PRPF18: variants seen among roughly 807,000 people sequenced by gnomAD.
PRPF18 encodes pre-mRNA processing factor 18.
PRPF18 carries 38 observed loss-of-function variants against 46.5 expected under a neutral mutation model. The ratio of observed to expected loss-of-function variants is 0.82; its 90% CI spans 0.63 to 1.07. The LOEUF (loss-of-function observed/expected upper bound fraction) is 1.07, where lower values mean the gene tolerates loss of function less well. PRPF18 is among the 50% of genes least tolerant of loss of function. The pLI is 0.00. For synonymous variants in PRPF18, 152 were observed against 146.7 expected (o/e 1.04, Z -0.26); for missense variants, 263 against 410.0 (o/e 0.64, Z 3.10).
At chr10:13,628,814 G>C (rs2080548883) in intron 9 of PRPF18, among the ~76,000 whole-genome samples, 1 of 152,186 alleles carries the variant, frequency 6.6e-6, no homozygotes, top group Non-Finnish European at 1.5e-5. Context: ...GTGTGTTAAT[G>C]AATTGCACAG....
downstream of PRPF18, among the ~76,000 whole-genome samples, chr10:13,634,400 TG>T: frequency 6.6e-6 from 1 of 152,356 alleles, no homozygotes; most frequent in East Asian, 1.9e-4. Context: ...AGCTGCCTTT[TG>T]GTGATCTCAG....
At chr10:13,635,971 G>A in the PRPF18 span, among the ~76,000 whole-genome samples, 13 of 152,254 alleles carry the variant, frequency 8.5e-5, no homozygotes, top group East Asian at 7.7e-4. Flanking sequence ...TTTAAAATGA[G>A]GAGACGTCCA....
At chr10:13,622,156 G>A (rs1033595117) in intron 9 of PRPF18, among the ~76,000 whole-genome samples, 4 of 152,210 alleles carry the variant, frequency 2.6e-5, no homozygotes, top group African/African-American at 9.7e-5. Flanking sequence ...CTGGGCTATG[G>A]TAAGCTGTTT....
chr10:13,593,624 C>T (rs1045813897), intron 1 of PRPF18, among the ~76,000 whole-genome samples: 32 of 152,206 alleles, frequency 2.1e-4, no homozygotes, highest in East Asian at 7.7e-4. Context: ...GATGAATATG[C>T]GAAGGAGAAA....
intron 6 of PRPF18, among the ~76,000 whole-genome samples, chr10:13,613,046 G>T (rs935056379): frequency 6.6e-6 from 1 of 152,192 alleles, no homozygotes; most frequent in Non-Finnish European, 1.5e-5. Context: ...ATATATTGAG[G>T]ATACAGCATG....
At chr10:13,616,344 T>C in intron 8 of PRPF18, 54 bp from the exon 9 acceptor site, 1 of 1,509,714 alleles carries the variant, frequency 6.6e-7, no homozygotes, top group Non-Finnish European at 9.0e-7. Context: ...AGTAAGAATT[T>C]GAGCCAGTAC....
the PRPF18 span, chr10:13,637,203 G>A: frequency 6.6e-6 from 1 of 152,228 alleles, no homozygotes; most frequent in East Asian, 1.9e-4. Flanking sequence ...AAATTTCTGG[G>A]ACATAGGGTA....
chr10:13,606,397 G>A (rs936567180), intron 4 of PRPF18, among the ~76,000 whole-genome samples: 1 of 152,188 alleles, frequency 6.6e-6, no homozygotes, highest in Admixed American at 6.5e-5. Flanking sequence ...GTGATACTCA[G>A]TTGTATGAAT....
At position 13,630,629 on chromosome 10, in the gene PRPF18, CT is replaced by C. The variant is rs1293804098; in HGVS notation, c.*296del. On this transcript the variant is annotated 3_prime_UTR_variant, in exon 10 of 10. Coordinates refer to ENST00000378572, the MANE Select transcript of PRPF18 (RefSeq NM_003675.4). ...ACAACAGAAGGGGGTTTAAAATGAC[CT>C]TTTTTTCAGTTGACCCGAAAGTTGT... 1.6e-5 allele frequency: 3 copies of C among 189,766 alleles called. No individual in the cohort carries two copies. Among genetic ancestry groups the C allele is most frequent in the Admixed American group, 6.1e-5 (1 of 16,512 alleles). The allele number at this position is 189,766 out of a possible 1,614,324, so 11.8% of individuals were successfully genotyped here.
chr10:13,648,262 C>T, the PRPF18 span: 3 of 152,188 alleles, frequency 2.0e-5, no homozygotes, highest in African/African-American at 4.8e-5. Context: ...TGACACTGGC[C>T]ATGGGTATTA....
Position 13,605,658 on chromosome 10 carries a change from G to A in PRPF18, c.277G>A (p.Glu93Lys). ...CATCAGAAGATTGAGAGAAAGAGGAGAACCAATCAGACTATTTGGAGAGAC... is the reference window on the plus strand; with the variant it reads ...CATCAGAAGATTGAGAGAAAGAGGAAAACCAATCAGACTATTTGGAGAGAC... Reference protein sequence around the residue: ...EVIRRLRERGEPIRLFGETDY... With the variant: ...EVIRRLRERGKPIRLFGETDY... The change falls in exon 4 of 10, where the codon GAA (glutamate) becomes AAA (lysine). Residue 93 changes from glutamate (E) to lysine (K), a missense_variant. Physicochemically the swap from Glu to Lys is moderately conservative, Grantham distance 56. Coordinates refer to ENST00000378572, the MANE Select transcript of PRPF18 (RefSeq NM_003675.4). The A allele has an allele frequency of 1.2e-6, 2 of 1,610,966 alleles. No homozygotes were observed. The highest frequency in any genetic ancestry group is 1.7e-6 in the Non-Finnish European group (2 of 1,178,848).
At chr10:13,634,590 C>T (rs1168355952), downstream of PRPF18, among the ~76,000 whole-genome samples, 1 of 152,236 alleles carries the variant, frequency 6.6e-6, no homozygotes, top group African/African-American at 2.4e-5. Flanking sequence ...TCTGTGCAGT[C>T]TGCGCCTGCC....
intron 5 of PRPF18, 99 bp from the exon 6 acceptor site, chr10:13,611,516 A>C: frequency 1.1e-6 from 1 of 949,798 alleles, no homozygotes; most frequent in Non-Finnish European, 1.6e-6. Context: ...ATTGAACAGC[A>C]TATGTGACCA....
rs767448641 is a variant in PRPF18 at position 13,605,669 on chromosome 10, A to G, written c.288A>G (p.Arg96=). Residue 96 remains arginine (R), a synonymous_variant, in exon 4 of 10, where the codon AGA becomes AGG. Transcript: ENST00000378572. ...TGAGAGAAAGAGGAGAACCAATCAG[A>G]CTATTTGGAGAGACTGATTATGATG... is the stretch of plus-strand genomic sequence containing the variant. ...RRLRERGEPI[R]LFGETDYDAF... is the part of the protein sequence containing the mutation. 3 of 1,613,236 alleles carry G rather than the reference A, an allele frequency of 1.9e-6. No individual in the cohort carries two copies. Among genetic ancestry groups the G allele is most frequent in the East Asian group, 4.5e-5 (2 of 44,848 alleles).
chr10:13,623,858 G>A (rs2080456960), intron 9 of PRPF18, among the ~76,000 whole-genome samples: 1 of 152,086 alleles, frequency 6.6e-6, no homozygotes, highest in South Asian at 2.1e-4. Flanking sequence ...AACTATATCT[G>A]TATCTGATAT....
In PRPF18 at chr10:13,600,285, G is replaced by A. The variant is rs11540073; in HGVS notation, c.186G>A (p.Ser62=). Residue 62 remains serine (S), a synonymous_variant, in exon 3 of 10, where the codon TCG becomes TCA. Transcript: ENST00000378572. The stretch of plus-strand genomic sequence containing the variant: ...AGGACCAGAAACCATTAACTTCATC[G>A]AATCCAGTGTTAGAACTTGAACTGG... ...KEEDQKPLTS[S]NPVLELELAE... is the part of the protein sequence containing the mutation. 4 of 1,612,222 alleles carry A rather than the reference G, an allele frequency of 2.5e-6. No homozygotes were observed. The South Asian group carries it at 3.3e-5, about 13-fold the overall frequency.
downstream of PRPF18, among the ~76,000 whole-genome samples, chr10:13,633,278 G>A (rs763572315): frequency 2.0e-5 from 3 of 152,162 alleles, no homozygotes; most frequent in Non-Finnish European, 2.9e-5. Context: ...GGCCCAGAGC[G>A]CTCAGTGAGA....
Position 13,627,150 on chromosome 10 carries a change from C to T in PRPF18, c.949-3110C>T, listed in dbSNP as rs548008346. On this transcript the variant is annotated intron_variant, in intron 9 of 9. Transcript: ENST00000378572. ...CAGGGGCTTCCTAGTTCACAGAGTC[C>T]AAGCCAAAGTCCTTCAGGTTGCCCC... Among the ~76,000 whole-genome samples the T allele has an allele frequency of 6.6e-5, 10 of 152,282 alleles. No individual in the cohort carries two copies. The South Asian group carries it at 1.7e-3, about 25-fold the overall frequency.
chr10:13,610,374 C>T, intron 5 of PRPF18, among the ~76,000 whole-genome samples, 189 bp downstream of exon 5: 1 of 152,192 alleles, frequency 6.6e-6, no homozygotes, highest in South Asian at 2.1e-4. Flanking sequence ...TACTTCCTGC[C>T]TTCAAAAGGA....
Sources: gnomAD v4.1 joint callset for allele counts (sites outside exome capture counted in the v4.1 genomes callset) on GRCh38, gnomAD v4.1.1 for gene constraint, MANE v1.5 for transcripts, NCBI Gene and HGNC (gene_info 2026-07-23, HGNC 2026-07-21) for gene names.